Variants in TANGO6 observed in about 807,000 individuals in gnomAD.
TANGO6 encodes transport and golgi organization 6 homolog.
TANGO6 carries 90 observed loss-of-function variants against 114.2 expected under a neutral mutation model. The observed-to-expected ratio is 0.79, with a 90% CI of 0.66 to 0.94. The LOEUF is 0.94. TANGO6 is among the 40% of genes least tolerant of loss of function. The pLI, the probability that TANGO6 is intolerant of heterozygous loss-of-function variation, is 0.00. For synonymous variants in TANGO6, 477 were observed against 509.8 expected, an observed-to-expected ratio of 0.94 and a Z score of 0.87; for missense variants, 1,274 against 1,315.3, an observed-to-expected ratio of 0.97 and a Z score of 0.49.
At chr16:68,862,606 C>T (rs929100824) in intron 2 of TANGO6, among the ~76,000 whole-genome samples, 5 of 152,076 alleles carry the variant, frequency 3.3e-5, no homozygotes, top group Admixed American at 1.3e-4. Flanking sequence ...TGAAAAATAC[C>T]CAGCAAGAAA....
intron 17 of TANGO6, among the ~76,000 whole-genome samples, chr16:69,082,680 G>A (rs1960483455): frequency 6.6e-6 from 1 of 152,088 alleles, no homozygotes; most frequent in Non-Finnish European, 1.5e-5. Context: ...TGGAGGCAGA[G>A]GTTACAGTGA....
chr16:69,043,504 G>A (rs1267046710), intron 17 of TANGO6, among the ~76,000 whole-genome samples: 1 of 152,134 alleles, frequency 6.6e-6, no homozygotes, highest in Non-Finnish European at 1.5e-5. Context: ...ACCTCCGCCT[G>A]TTCTCCAAAC....
At chr16:68,993,858 T>C (rs1455043858) in intron 15 of TANGO6, among the ~76,000 whole-genome samples, 2 of 152,238 alleles carry the variant, frequency 1.3e-5, no homozygotes, top group African/African-American at 2.4e-5. Context: ...CCTAGAATTT[T>C]TCCTTCCTGA....
intron 15 of TANGO6, among the ~76,000 whole-genome samples, chr16:68,996,544 C>G (rs1034319689): frequency 1.3e-5 from 2 of 152,118 alleles, no homozygotes; most frequent in African/African-American, 2.4e-5. Context: ...TATATTTTGT[C>G]TCCTGTTTCC....
chr16:68,885,225 AG>A (rs1962524561), intron 7 of TANGO6, among the ~76,000 whole-genome samples: 1 of 152,174 alleles, frequency 6.6e-6, no homozygotes, highest in South Asian at 2.1e-4. Flanking sequence ...ATTTTAGAGA[AG>A]CATTTGGGAA....
intron 3 of TANGO6, among the ~76,000 whole-genome samples, chr16:68,865,804 G>T (rs1962168222): frequency 1.3e-5 from 2 of 151,300 alleles, no homozygotes; most frequent in East Asian, 3.9e-4. Context: ...TGTAGTCCCA[G>T]CTACTCAGGA....
At chr16:68,894,370 G>C (rs1962675148) in intron 7 of TANGO6, among the ~76,000 whole-genome samples, 1 of 152,260 alleles carries the variant, frequency 6.6e-6, no homozygotes, top group East Asian at 1.9e-4. Flanking sequence ...AACTAGACAA[G>C]AGATTGGAAG....
At chr16:69,002,759 G>A (rs1964055253) in intron 15 of TANGO6, among the ~76,000 whole-genome samples, 1 of 152,060 alleles carries the variant, frequency 6.6e-6, no homozygotes, top group African/African-American at 2.4e-5. Flanking sequence ...AAGTCCTTTT[G>A]GGTCAGGTGC....
chr16:68,956,662 G>A (rs1014551846), intron 14 of TANGO6, among the ~76,000 whole-genome samples: 1 of 151,990 alleles, frequency 6.6e-6, no homozygotes, highest in Non-Finnish European at 1.5e-5. Flanking sequence ...AGACTAGCCT[G>A]GCCAATATGG....
chr16:69,009,204 C>T (rs920414868), intron 15 of TANGO6, among the ~76,000 whole-genome samples: 1 of 150,066 alleles, frequency 6.7e-6, no homozygotes, highest in South Asian at 2.1e-4. Flanking sequence ...GTCTCAGCCT[C>T]CCAAATAGCT....
intron 15 of TANGO6, among the ~76,000 whole-genome samples, chr16:69,000,826 A>G (rs1266224005): frequency 1.3e-5 from 2 of 152,066 alleles, no homozygotes; most frequent in Non-Finnish European, 2.9e-5. Flanking sequence ...TCCTGACCTC[A>G]AGTGATCTGC....
intron 11 of TANGO6, among the ~76,000 whole-genome samples, chr16:68,916,090 GT>G (rs1285943825): frequency 6.6e-6 from 1 of 152,138 alleles, no homozygotes; most frequent in East Asian, 1.9e-4. Flanking sequence ...TTAAAGCTTA[GT>G]TGTTAGCCAA....
intron 15 of TANGO6, among the ~76,000 whole-genome samples, chr16:69,006,480 A>G (rs1039173150): frequency 2.0e-5 from 3 of 152,118 alleles, no homozygotes; most frequent in South Asian, 4.1e-4. Context: ...GCGGTGGCTC[A>G]TGCCTGTAAT....
At chr16:68,851,495 G>A (rs1239106194) in intron 1 of TANGO6, among the ~76,000 whole-genome samples, 2 of 152,138 alleles carry the variant, frequency 1.3e-5, no homozygotes, top group East Asian at 3.8e-4. Flanking sequence ...TTAGCAATCG[G>A]TACATGATGG....
At chr16:69,060,932 C>T (rs1960105490) in intron 17 of TANGO6, among the ~76,000 whole-genome samples, 1 of 151,618 alleles carries the variant, frequency 6.6e-6, no homozygotes, top group South Asian at 2.1e-4. Context: ...GCAGAGGTTA[C>T]AGTGAGCCAA....
At chr16:68,894,582 CAT>C (rs1225855240) in intron 7 of TANGO6, among the ~76,000 whole-genome samples, 1 of 151,956 alleles carries the variant, frequency 6.6e-6, no homozygotes, top group Non-Finnish European at 1.5e-5. Flanking sequence ...GACATGCTGG[CAT>C]ACTGACTCTG....
intron 16 of TANGO6, among the ~76,000 whole-genome samples, chr16:69,039,163 C>T (rs367767685): frequency 3.6e-4 from 55 of 150,724 alleles, no homozygotes; most frequent in Middle Eastern, 6.9e-3. Flanking sequence ...CCAGCCTGGG[C>T]GACAGAGTGA....
At chr16:69,023,317 G>A (rs1192374751) in intron 16 of TANGO6, among the ~76,000 whole-genome samples, 6 of 152,098 alleles carry the variant, frequency 3.9e-5, no homozygotes, top group Admixed American at 6.5e-5. Context: ...TCAGCTGGGC[G>A]TGGTGGTACA....
intron 17 of TANGO6, among the ~76,000 whole-genome samples, chr16:69,080,861 G>A (rs893557072): frequency 3.3e-5 from 5 of 152,206 alleles, no homozygotes; most frequent in South Asian, 4.2e-4. Flanking sequence ...CCTCTAGGCC[G>A]GGCGCGGTGG....
Sources: allele counts gnomAD v4.1 joint callset (sites outside exome capture counted in the v4.1 genomes callset), GRCh38; gene constraint gnomAD v4.1.1; transcripts MANE v1.5; gene names NCBI Gene and HGNC (gene_info 2026-07-23, HGNC 2026-07-21).